Variants in NRK observed in about 807,000 individuals in gnomAD.
The protein encoded by NRK is nik-related protein kinase.
A neutral mutation model predicts 125.2 loss-of-function variants in NRK; 67 were observed. That is an observed-to-expected ratio of 0.54 (90% CI 0.44 to 0.66). The LOEUF is 0.66. Among genes scored for constraint, NRK ranks in the 30% least tolerant of loss-of-function variants. NRK has a pLI of 0.00. For synonymous variants in NRK, 458 were observed against 429.0 expected (o/e 1.07, Z -0.84); for missense variants, 1,224 against 1,192.9 (o/e 1.03, Z -0.38).
At chrX:105,893,739 T>TAGATCTCTAAACATTAGATCTCTAA (rs2040044394) in intron 5 of NRK, 93 bp from the exon 6 acceptor site, 2 of 527,677 alleles carry the variant, frequency 3.8e-6, no homozygotes, top group East Asian at 7.3e-5. Flanking sequence ...CTCTAAACAT[T>TAGATCTCTAAACATTAGATCTCTAA]ACATATAGAT....
chrX:105,885,776 G>A (rs747664308), intron 4 of NRK, among the ~76,000 whole-genome samples: 3 of 111,582 alleles, frequency 2.7e-5, no homozygotes, highest in Admixed American at 9.5e-5. Flanking sequence ...GATAGCGCTC[G>A]GAGTAATTCA....
In NRK at chrX:105,909,096, T is replaced by A. The variant is rs1271501285; in HGVS notation, c.1455T>A (p.Val485=). 5.8e-6 allele frequency: 7 copies of A among 1,209,055 alleles called. No individual in the cohort carries two copies. The Admixed American group carries it at 1.3e-4, about 23-fold the overall frequency. The change falls in exon 13 of 29, where the codon GTT becomes GTA. Residue 485 remains valine, a synonymous_variant. Coordinates refer to ENST00000243300, the MANE Select transcript of NRK (RefSeq NM_198465.4). Reference sequence around the variant, plus strand: ...TGCTCATGCCACTACAGGCACAGGTTAGGGCACCTAGGCTTCTGCAGGTAC... The same window carrying A: ...TGCTCATGCCACTACAGGCACAGGTAAGGGCACCTAGGCTTCTGCAGGTAC... ...ARVLMPLQAQ[V]RAPRLLQVQS...
Position 105,888,695 on chromosome X carries a change from G to A in NRK, c.378+276G>A, listed in dbSNP as rs755765493. Reference sequence around the variant, plus strand: ...ATGGCTGAGGAGACCTCACAATCACGGCAGAAGGCAAAGGAGGAGCAAAGT... The same window carrying A: ...ATGGCTGAGGAGACCTCACAATCACAGCAGAAGGCAAAGGAGGAGCAAAGT... On this transcript the variant is annotated intron_variant, in intron 5 of 28. Transcript: ENST00000243300. Among the ~76,000 whole-genome samples, 18 of 111,231 alleles carry A rather than the reference G, an allele frequency of 1.6e-4. No homozygotes were observed. In the South Asian group the frequency reaches 7.0e-3, roughly 43 times the overall value.
At chrX:105,923,074 A>G in intron 17 of NRK, 44 bp from the exon 18 acceptor site, 2 of 1,103,966 alleles carry the variant, frequency 1.8e-6, no homozygotes, top group Non-Finnish European at 2.4e-6. Flanking sequence ...CTAGAAGAAA[A>G]TGAAAGCTAC....
intron 2 of NRK, among the ~76,000 whole-genome samples, chrX:105,840,863 A>G (rs1441962492): frequency 9.9e-6 from 1 of 101,247 alleles, no homozygotes; most frequent in Non-Finnish European, 1.9e-5. Flanking sequence ...GTGTATATAT[A>G]TATATATACA....
At position 105,943,955 on chromosome X, in the gene NRK, A is replaced by T. The variant is rs1239049758; in HGVS notation, c.3973A>T (p.Thr1325Ser). The T allele has an allele frequency of 5.2e-6, 6 of 1,143,618 alleles. No individual in the cohort carries two copies. The highest frequency in any genetic ancestry group is 7.1e-6 in the Non-Finnish European group (6 of 844,114). 94.2% of individuals were successfully genotyped at this position (1,143,618 alleles called of 1,213,427 possible). ...EHFSVLQHEETTYIAIALKSS... is the reference protein window; with the variant it reads ...EHFSVLQHEESTYIAIALKSS... Reference sequence around the variant, plus strand: ...TATCATTATAGTCCAACATGAAGAAACAACATATATTGCAATTGCTTTGAA... The same window carrying T: ...TATCATTATAGTCCAACATGAAGAATCAACATATATTGCAATTGCTTTGAA... The change falls in exon 24 of 29, where the codon ACA (threonine) becomes TCA (serine). Residue 1325 changes from threonine (T) to serine (S), a missense_variant. Physicochemically the swap from Thr to Ser is moderately conservative, Grantham distance 58. Coordinates refer to ENST00000243300, the MANE Select transcript of NRK (RefSeq NM_198465.4).
At chrX:105,906,073 C>T (rs886642004) in intron 10 of NRK, among the ~76,000 whole-genome samples, 2 of 111,644 alleles carry the variant, frequency 1.8e-5, no homozygotes, top group Non-Finnish European at 3.8e-5. Context: ...TGCTGTGGGC[C>T]GATCAATCTA....
rs1182375921 is a variant in NRK at position 105,909,135 on chromosome X, C to T, written c.1494C>T (p.Ser498=). 4 of 1,209,437 alleles carry T rather than the reference C, an allele frequency of 3.3e-6. No individual in the cohort carries two copies. Among genetic ancestry groups the T allele is most frequent in the Non-Finnish European group, 4.5e-6 (4 of 894,930 alleles). ...PRLLQVQSQV[S]KKQQAQTQTS... ...TTCTGCAGGTACAGTCCCAGGTATC[C>T]AAAAAGCAGCAGGCCCAGACCCAGA... Residue 498 remains serine (S), a synonymous_variant, in exon 13 of 29, where the codon TCC becomes TCT. Coordinates refer to ENST00000243300, the MANE Select transcript of NRK (RefSeq NM_198465.4).
chrX:105,919,928 T>C (rs977621919), intron 16 of NRK, among the ~76,000 whole-genome samples: 4 of 106,592 alleles, frequency 3.8e-5, no homozygotes, highest in African/African-American at 6.9e-5. Context: ...TTGTCTTTTG[T>C]TGCCATTGCT....
In NRK at chrX:105,924,390, A is replaced by T. The variant is rs541222528; in HGVS notation, c.2976-305A>T. 8.9e-4 allele frequency among the ~76,000 whole-genome samples: 99 copies of T among 111,791 alleles called. No individual in the cohort carries two copies. The Admixed American group carries it at 9.3e-3, about 11-fold the overall frequency. On this transcript the variant is annotated intron_variant, in intron 18 of 28. Coordinates refer to ENST00000243300, the MANE Select transcript of NRK (RefSeq NM_198465.4). ...ATGAAATAGTATATATTTAAGAAAA[A>T]AACTACATATTCTTGCTGTTAACCT...
chrX:105,896,987 C>G (rs2040092936), intron 7 of NRK, among the ~76,000 whole-genome samples: 1 of 112,624 alleles, frequency 8.9e-6, no homozygotes. Flanking sequence ...ATACTTGTGT[C>G]AAGTTGCTGG....
chrX:105,878,818 C>T (rs1359600077), intron 2 of NRK, among the ~76,000 whole-genome samples: 4 of 111,666 alleles, frequency 3.6e-5, no homozygotes, highest in Non-Finnish European at 5.7e-5. Context: ...CCAAGTCAAG[C>T]ACATTACCTT....
At chrX:105,930,352 A>G (rs2040579232) in intron 19 of NRK, among the ~76,000 whole-genome samples, 1 of 109,726 alleles carries the variant, frequency 9.1e-6, no homozygotes, top group Non-Finnish European at 1.9e-5. Flanking sequence ...CTAGTCAGCT[A>G]TTGAAGCTCT....
intron 23 of NRK, 52 bp downstream of exon 23, chrX:105,940,084 T>C (rs768240295): frequency 2.3e-6 from 2 of 859,525 alleles, no homozygotes; most frequent in Non-Finnish European, 3.3e-6. Flanking sequence ...CATCCTTTCA[T>C]TTGGTGAACT....
At position 105,952,980 on chromosome X, in the gene NRK, A is replaced by T. The variant is rs1002907245; in HGVS notation, c.4514-54A>T. On this transcript the variant is annotated intron_variant, in intron 27 of 28. Transcript: ENST00000243300. ...ACATTGACTGTAGTTATAATTTTCT[A>T]TGATGGCCAGAAAGATTTTGTGTTT... 5.0e-6 allele frequency: 5 copies of T among 997,592 alleles called. No individual in the cohort carries two copies. In the African/African-American group the frequency reaches 7.7e-5, roughly 15 times the overall value. The allele number at this position is 997,592 out of a possible 1,213,427, so 82.2% of individuals were successfully genotyped here. A position where few individuals can be genotyped will look rare whatever the true frequency, so the allele number is the denominator to read the frequency against.
chrX:105,948,399 A>G, intron 26 of NRK: 1 of 220,423 alleles, frequency 4.5e-6, no homozygotes, highest in Non-Finnish European at 8.1e-6. Context: ...TCTTCTGAGA[A>G]AGAATATAAT....
intron 28 of NRK, among the ~76,000 whole-genome samples, chrX:105,954,920 G>T (rs1253731841): frequency 9.0e-6 from 1 of 111,688 alleles, no homozygotes; most frequent in Non-Finnish European, 1.9e-5. Flanking sequence ...ACCACATGAG[G>T]TGATACATTT....
Position 105,851,761 on chromosome X carries a change from G to A in NRK, c.123+20642G>A, listed in dbSNP as rs1424229279. ...ACCCTAAGGGCACCATGGGAGGGGAGGGGGTTGAAGGCAAGGTACACTTCT... is the reference window on the plus strand; with the variant it reads ...ACCCTAAGGGCACCATGGGAGGGGAAGGGGTTGAAGGCAAGGTACACTTCT... On this transcript the variant is annotated intron_variant, in intron 2 of 28. Transcript: ENST00000243300. 2.7e-5 allele frequency among the ~76,000 whole-genome samples: 3 copies of A among 110,823 alleles called. No homozygotes were observed. In the East Asian group the frequency reaches 8.6e-4, roughly 32 times the overall value.
rs1268447012 is a variant in NRK, at chrX:105,945,892, A to T, written c.4080A>T (p.Ala1360=). The change falls in exon 25 of 29, where the codon GCA becomes GCT. Residue 1360 remains alanine, a synonymous_variant. Coordinates refer to ENST00000243300, the MANE Select transcript of NRK (RefSeq NM_198465.4). ...ACCAAGTATGCATTGATCAATCAGC[A>T]GACTCTGAAGGAGACTACATGTCCT... ...TAIKVCIDQS[A]DSEGDYMSYQ... The T allele has an allele frequency of 2.3e-5, 28 of 1,207,946 alleles. No individual in the cohort carries two copies. The highest frequency in any genetic ancestry group is 3.1e-5 in the Non-Finnish European group (28 of 892,478).
Sources: allele counts gnomAD v4.1 joint callset (sites outside exome capture counted in the v4.1 genomes callset), GRCh38; gene constraint gnomAD v4.1.1; transcripts MANE v1.5; gene names NCBI Gene and HGNC (gene_info 2026-07-23, HGNC 2026-07-21).